CFAP97: variants seen among roughly 807,000 people sequenced by gnomAD.
The protein encoded by CFAP97 is cilia- and flagella-associated protein 97.
CFAP97 carries 36 observed loss-of-function variants against 43.1 expected under a neutral mutation model. That is an observed-to-expected ratio of 0.84 (90% CI 0.64 to 1.10). CFAP97 has a LOEUF of 1.10. Ranked by LOEUF, CFAP97 falls within the 50% of genes least tolerant of loss-of-function variation. CFAP97 has a pLI of 0.00. For missense variants in CFAP97, 657 were observed against 620.3 expected (o/e 1.06, Z -0.63); for synonymous variants, 228 against 225.7 (o/e 1.01, Z -0.09).
At chr4:185,195,725 A>C (rs1201421930) in intron 1 of CFAP97, among the ~76,000 whole-genome samples, 1 of 152,210 alleles carries the variant, frequency 6.6e-6, no homozygotes, top group Non-Finnish European at 1.5e-5. Flanking sequence ...TCACAAACGT[A>C]AAGACTATGG....
At chr4:185,177,916 C>T (rs1350638291) in intron 2 of CFAP97, among the ~76,000 whole-genome samples, 1 of 151,960 alleles carries the variant, frequency 6.6e-6, no homozygotes, top group Non-Finnish European at 1.5e-5. Flanking sequence ...GGCAAGGTCA[C>T]AAAAATTGTA....
chr4:185,200,478 A>G (rs1465526410), intron 1 of CFAP97, among the ~76,000 whole-genome samples: 14 of 152,198 alleles, frequency 9.2e-5, no homozygotes, highest in Admixed American at 7.8e-4. Context: ...CGTCTCTACT[A>G]AAAATACAAA....
At chr4:185,176,378 G>C (rs954733577) in intron 2 of CFAP97, among the ~76,000 whole-genome samples, 1 of 152,098 alleles carries the variant, frequency 6.6e-6, no homozygotes, top group Non-Finnish European at 1.5e-5. Flanking sequence ...CTCCCAAAGT[G>C]CTGGGATTGC....
chr4:185,172,162 G>A (rs928274507), intron 3 of CFAP97, among the ~76,000 whole-genome samples: 1 of 152,066 alleles, frequency 6.6e-6, no homozygotes, highest in Non-Finnish European at 1.5e-5. Flanking sequence ...TTATCTACTG[G>A]ATAAAAACAC....
chr4:185,207,912 TA>T (rs1231755342), upstream of CFAP97: 2 of 152,224 alleles, frequency 1.3e-5, no homozygotes, highest in Non-Finnish European at 2.9e-5. Context: ...AAATTTATCA[TA>T]AAGAATTCAG....
chr4:185,198,707 T>G (rs1384567288), intron 1 of CFAP97, among the ~76,000 whole-genome samples: 2 of 145,906 alleles, frequency 1.4e-5, no homozygotes, highest in Non-Finnish European at 3.0e-5. Context: ...GAGAATCACT[T>G]GAAGCCAGGA....
intron 2 of CFAP97, among the ~76,000 whole-genome samples, chr4:185,176,577 A>G (rs1336454479): frequency 6.6e-6 from 1 of 152,224 alleles, no homozygotes; most frequent in Non-Finnish European, 1.5e-5. Context: ...TACACACGAA[A>G]CAATGAAAGT....
upstream of CFAP97, among the ~76,000 whole-genome samples, chr4:185,207,210 CTTTTTT>C (rs34373262): frequency 2.6e-5 from 2 of 76,850 alleles, no homozygotes; most frequent in East Asian, 4.2e-4. Flanking sequence ...ACCAGTCACA[CTTTTTT>C]TTTTTTTTTT....
At chr4:185,191,310 T>A (rs1157558542) in intron 1 of CFAP97, 98 bp from the exon 2 acceptor site, 15 of 833,378 alleles carry the variant, frequency 1.8e-5, no homozygotes, top group Non-Finnish European at 2.6e-5. Context: ...GACAAGTGTG[T>A]TTAATATATA....
chr4:185,194,463 T>C (rs1014915803), intron 1 of CFAP97, among the ~76,000 whole-genome samples: 4 of 152,204 alleles, frequency 2.6e-5, no homozygotes, highest in Non-Finnish European at 5.9e-5. Flanking sequence ...CACTCCAGCC[T>C]GGGCGACAAG....
At position 185,175,969 on chromosome 4, in the gene CFAP97, G is replaced by GA. The variant is rs1339514058; in HGVS notation, c.1136dup (p.Thr380HisfsTer34). 2.5e-6 allele frequency: 4 copies of GA among 1,613,658 alleles called. No homozygotes were observed. The highest frequency in any genetic ancestry group is 3.4e-6 in the Non-Finnish European group (4 of 1,179,808). On this transcript the variant is annotated frameshift_variant, in exon 3 of 5. Coordinates refer to ENST00000458385, the MANE Select transcript of CFAP97 (RefSeq NM_020827.3). LOFTEE classifies it high-confidence loss of function. ...CGATCTGTCTCACCTCTTCTCTTGT[G>GA]AAAGAGTAGTTTTTCCCGGGTGCTA...
chr4:185,164,115 A>G lies in CFAP97; in HGVS notation c.1385T>C (p.Met462Thr). The change falls in exon 4 of 5, where the codon ATG becomes ACG. Residue 462 changes from methionine to threonine, a missense_variant. By Grantham distance (81) the Met-to-Thr change is moderately conservative. Coordinates refer to ENST00000458385, the MANE Select transcript of CFAP97 (RefSeq NM_020827.3). ...TVGMKRSEQL[M>T]DYHRNMGYLN... The stretch of plus-strand genomic sequence containing the variant: ...ATAGCCCATATTGCGATGATAGTCC[A>G]TCAGTTGTTCTGAACGTTTCATACC... 1 of 1,614,028 alleles carries G rather than the reference A, an allele frequency of 6.2e-7. No individual in the cohort carries two copies. The highest frequency in any genetic ancestry group is 8.5e-7 in the Non-Finnish European group (1 of 1,179,868).
chr4:185,184,934 T>A (rs2111371063), intron 2 of CFAP97, among the ~76,000 whole-genome samples: 1 of 152,312 alleles, frequency 6.6e-6, no homozygotes, highest in East Asian at 1.9e-4. Context: ...TTATAATTTG[T>A]GGGAACAAAT....
intron 2 of CFAP97, among the ~76,000 whole-genome samples, chr4:185,184,118 T>C (rs895571600): frequency 6.6e-6 from 1 of 152,228 alleles, no homozygotes; most frequent in Non-Finnish European, 1.5e-5. Flanking sequence ...ATTCAGACCA[T>C]GGTCCCTAGA....
Position 185,191,107 on chromosome 4 carries a change from G to T in CFAP97, c.90C>A (p.Asn30Lys), listed in dbSNP as rs370581881. The T allele has an allele frequency of 5.6e-6, 9 of 1,611,988 alleles. No individual in the cohort carries two copies. The highest frequency in any genetic ancestry group is 6.8e-6 in the Non-Finnish European group (8 of 1,179,538). The change falls in exon 2 of 5, where the codon AAC (asparagine) becomes AAA (lysine). Residue 30 changes from asparagine to lysine, a missense_variant. By Grantham distance (94) the Asn-to-Lys change is moderately conservative. Coordinates refer to ENST00000458385, the MANE Select transcript of CFAP97 (RefSeq NM_020827.3). ...DFEEGKKCET[N>K]SVFDKQNDDP... ...CATCATTTTGCTTGTCAAAAACTGA[G>T]TTAGTTTCACATTTCTTTCCTTCTT...
chr4:185,160,393 G>A lies in CFAP97; in HGVS notation c.*2405C>T, dbSNP rs1450593109. On this transcript the variant is annotated 3_prime_UTR_variant, in exon 5 of 5. Coordinates refer to ENST00000458385, the MANE Select transcript of CFAP97 (RefSeq NM_020827.3). ...CAAAAAAAAAATAAAATAAAATAGTGCCAGACCATCCTTTACTTTTTCATG... is the reference window on the plus strand; with the variant it reads ...CAAAAAAAAAATAAAATAAAATAGTACCAGACCATCCTTTACTTTTTCATG... 1 of 146,452 alleles carries A rather than the reference G, an allele frequency of 6.8e-6. No homozygotes were observed. Among genetic ancestry groups the A allele is most frequent in the East Asian group, 2.0e-4 (1 of 5,062 alleles). 9.1% of individuals were successfully genotyped at this position (146,452 alleles called of 1,614,324 possible).
At chr4:185,181,639 G>A (rs1386781375) in intron 2 of CFAP97, among the ~76,000 whole-genome samples, 1 of 152,170 alleles carries the variant, frequency 6.6e-6, no homozygotes, top group Non-Finnish European at 1.5e-5. Context: ...TAGTCTTAGT[G>A]AAAACAGTTT....
At chr4:185,176,122 T>TTTTTC (rs368034368) in intron 2 of CFAP97, 71 bp from the exon 3 acceptor site, 12 of 1,227,920 alleles carry the variant, frequency 9.8e-6, no homozygotes, top group Admixed American at 3.0e-5. Flanking sequence ...TTTTTTTTTT[T>TTTTTC]CTCTTTTTAG....
chr4:185,192,213 G>A (rs867158840), intron 1 of CFAP97, among the ~76,000 whole-genome samples: 1 of 152,132 alleles, frequency 6.6e-6, no homozygotes, highest in South Asian at 2.1e-4. Flanking sequence ...CAGGTATGTC[G>A]AACTTCTGAA....
Sources: gnomAD v4.1 joint callset for allele counts (sites outside exome capture counted in the v4.1 genomes callset) on GRCh38, gnomAD v4.1.1 for gene constraint, MANE v1.5 for transcripts, NCBI Gene and HGNC (gene_info 2026-07-23, HGNC 2026-07-21) for gene names.